Variants in FSIP1 observed in about 807,000 individuals in gnomAD.
FSIP1 encodes fibrous sheath interacting protein 1.
In FSIP1, 65 loss-of-function variants were observed where a neutral mutation model predicts 60.9. That is an observed-to-expected ratio of 1.07 (90% CI 0.87 to 1.31). The LOEUF (loss-of-function observed/expected upper bound fraction) is 1.31. Among genes scored for constraint, FSIP1 ranks in the 40% most tolerant of loss-of-function variants. The probability of loss-of-function intolerance (pLI) is 0.00; values close to 1 mark genes in which losing one functional copy is unlikely to be tolerated. For missense variants in FSIP1, 675 were observed against 665.5 expected (o/e 1.01, Z -0.16); for synonymous variants, 209 against 221.2 (o/e 0.94, Z 0.49).
At chr15:39,723,955 A>G (rs1411170700) in intron 9 of FSIP1, among the ~76,000 whole-genome samples, 1 of 152,256 alleles carries the variant, frequency 6.6e-6, no homozygotes, top group East Asian at 1.9e-4. Context: ...CCAAAGGGAA[A>G]TTGAACAAAA....
Position 39,700,118 on chromosome 15 carries a change from A to G in FSIP1, c.1188+13326T>C, listed in dbSNP as rs182310446. Among the ~76,000 whole-genome samples the G allele has an allele frequency of 9.9e-4, 150 of 152,270 alleles. 1 individual carries two copies. Among genetic ancestry groups the G allele is most frequent in the Non-Finnish European group, 1.5e-3 (101 of 68,030 alleles). ...AAAAAGTCAGAACTTTCTATGATTA[A>G]TTCATAAATGTTACTGATCAATTCT... On this transcript the variant is annotated intron_variant, in intron 10 of 11. Transcript: ENST00000350221.
chr15:39,748,149 AT>A (rs1457078554), intron 5 of FSIP1, among the ~76,000 whole-genome samples: 3 of 152,110 alleles, frequency 2.0e-5, no homozygotes, highest in Non-Finnish European at 4.4e-5. Context: ...TTTCATGTTA[AT>A]ATACTCTTTC....
intron 10 of FSIP1, among the ~76,000 whole-genome samples, chr15:39,682,415 G>C (rs935677541): frequency 6.6e-6 from 1 of 152,056 alleles, no homozygotes; most frequent in African/African-American, 2.4e-5. Flanking sequence ...CACTGCTTGG[G>C]AACTAAAACC....
Position 39,738,216 on chromosome 15 carries a change from A to C in FSIP1, c.781-15T>G, listed in dbSNP as rs76708045. ...TCCTTGGCCAACTACAGAATTTATT[A>C]ATGGAAAATATCATATACTCAAGGA... On this transcript the variant is annotated splice_polypyrimidine_tract_variant and intron_variant, in intron 7 of 11. Coordinates refer to ENST00000350221, the MANE Select transcript of FSIP1 (RefSeq NM_152597.5). 0.026 allele frequency: 39,820 copies of C among 1,522,278 alleles called. 588 individuals are homozygous for C. The highest frequency in any genetic ancestry group is 0.031 in the Non-Finnish European group (33,870 of 1,104,852). The allele number at this position is 1,522,278 out of a possible 1,614,324, so 94.3% of individuals were successfully genotyped here.
chr15:39,707,839 C>A (rs1895340033), intron 10 of FSIP1, among the ~76,000 whole-genome samples: 1 of 152,100 alleles, frequency 6.6e-6, no homozygotes, highest in African/African-American at 2.4e-5. Flanking sequence ...GGCCCTTAAC[C>A]ACCAAGCCCC....
intron 10 of FSIP1, among the ~76,000 whole-genome samples, chr15:39,655,685 C>G (rs1456842934): frequency 6.6e-6 from 1 of 152,186 alleles, no homozygotes; most frequent in African/African-American, 2.4e-5. Context: ...TGGTATGCAG[C>G]TACTTTTTAT....
intron 10 of FSIP1, among the ~76,000 whole-genome samples, chr15:39,677,529 A>G (rs2140480394): frequency 6.6e-6 from 1 of 152,190 alleles, no homozygotes; most frequent in Middle Eastern, 3.4e-3. Context: ...TTATTTTCAC[A>G]CCCCTTTAAA....
intron 2 of FSIP1, among the ~76,000 whole-genome samples, 175 bp downstream of exon 2, chr15:39,776,224 A>AGGAC (rs1898058593): frequency 2.3e-5 from 2 of 88,034 alleles, no homozygotes; most frequent in African/African-American, 3.3e-5. Context: ...GAGGGAAGGA[A>AGGAC]TGGAGTAGAG....
chr15:39,630,990 G>C (rs930582215), intron 10 of FSIP1, among the ~76,000 whole-genome samples: 3 of 152,096 alleles, frequency 2.0e-5, no homozygotes, highest in African/African-American at 7.2e-5. Context: ...TCCCAAACCT[G>C]GGGCATCAGG....
At chr15:39,766,892 T>A (rs1167842633) in intron 3 of FSIP1, among the ~76,000 whole-genome samples, 1 of 152,164 alleles carries the variant, frequency 6.6e-6, no homozygotes, top group East Asian at 1.9e-4. Context: ...CAGGCTGAAG[T>A]GTGGTGGCAT....
At chr15:39,776,197 A>AGG (rs374576693) in intron 2 of FSIP1, among the ~76,000 whole-genome samples, 1 of 30,674 alleles carries the variant, frequency 3.3e-5, no homozygotes, top group African/African-American at 8.6e-5. Flanking sequence ...GGGAGGAGAG[A>AGG]GAGGGAGGGA....
At chr15:39,605,857 G>T (rs917128929) in intron 11 of FSIP1, among the ~76,000 whole-genome samples, 2 of 152,192 alleles carry the variant, frequency 1.3e-5, no homozygotes, top group Non-Finnish European at 2.9e-5. Context: ...ACCCTACAGG[G>T]TATTAAGCCA....
chr15:39,705,707 T>C (rs903116580), intron 10 of FSIP1, among the ~76,000 whole-genome samples: 1 of 151,848 alleles, frequency 6.6e-6, no homozygotes, highest in Non-Finnish European at 1.5e-5. Flanking sequence ...CAATTAAAAG[T>C]CATATATTAA....
At chr15:39,780,952 C>T (rs1898243791) in intron 1 of FSIP1, among the ~76,000 whole-genome samples, 1 of 152,072 alleles carries the variant, frequency 6.6e-6, no homozygotes, top group Non-Finnish European at 1.5e-5. Flanking sequence ...TTAGATACAA[C>T]ATCAAAGGCA....
chr15:39,754,593 G>C (rs1271324697), intron 5 of FSIP1, among the ~76,000 whole-genome samples: 1 of 151,966 alleles, frequency 6.6e-6, no homozygotes, highest in African/African-American at 2.4e-5. Flanking sequence ...TACTCATTTG[G>C]GGAACTCAAG....
intron 5 of FSIP1, among the ~76,000 whole-genome samples, chr15:39,754,306 A>T (rs1426476793): frequency 6.6e-6 from 1 of 152,072 alleles, no homozygotes; most frequent in African/African-American, 2.4e-5. Flanking sequence ...GACAGGAGGG[A>T]TCTTGAGTCG....
chr15:39,670,944 T>C (rs985211610), intron 10 of FSIP1, among the ~76,000 whole-genome samples: 3 of 152,274 alleles, frequency 2.0e-5, no homozygotes, highest in East Asian at 1.9e-4. Flanking sequence ...ACCACATATA[T>C]ACCACTCAGG....
At chr15:39,682,114 T>C (rs1894189150) in intron 10 of FSIP1, among the ~76,000 whole-genome samples, 1 of 152,212 alleles carries the variant, frequency 6.6e-6, no homozygotes, top group Non-Finnish European at 1.5e-5. Flanking sequence ...TCAATATAGT[T>C]CCTGGACAAG....
In FSIP1 at chr15:39,648,908, G is replaced by A. The variant is rs183930697; in HGVS notation, c.1189-30663C>T. On this transcript the variant is annotated intron_variant, in intron 10 of 11. Transcript: ENST00000350221. ...TTTATTTTATATCATTATTTAAAAA[G>A]GAAAGCTATTTCAGACTGGGATTTC... 2.6e-5 allele frequency among the ~76,000 whole-genome samples: 4 copies of A among 151,540 alleles called. No individual in the cohort carries two copies. The East Asian group carries it at 7.7e-4, about 29-fold the overall frequency.
Sources: allele counts gnomAD v4.1 joint callset (sites outside exome capture counted in the v4.1 genomes callset), GRCh38; gene constraint gnomAD v4.1.1; transcripts MANE v1.5; gene names NCBI Gene and HGNC (gene_info 2026-07-23, HGNC 2026-07-21).